The following CCDC85A variants were observed in gnomAD, a reference collection of about 807,000 sequenced individuals.
CCDC85A encodes the protein coiled-coil domain-containing protein 85A.
In CCDC85A, 38 loss-of-function variants were observed where a neutral mutation model predicts 50.2. The observed-to-expected ratio is 0.76, with a 90% CI of 0.58 to 0.99. The LOEUF (loss-of-function observed/expected upper bound fraction) is 0.99, where lower values mean the gene tolerates loss of function less well. Among genes scored for constraint, CCDC85A ranks in the 50% least tolerant of loss-of-function variants. The pLI is 0.00. For missense variants in CCDC85A, 820 were observed against 742.0 expected (o/e 1.11, Z -1.22); for synonymous variants, 366 against 301.4 (o/e 1.21, Z -2.22).
chr2:56,262,150 G>A lies in CCDC85A; in HGVS notation c.1240+68710G>A, dbSNP rs146594674. Among the ~76,000 whole-genome samples the A allele has an allele frequency of 3.9e-5, 6 of 152,236 alleles. No homozygotes were observed. The East Asian group carries it at 1.2e-3, about 29-fold the overall frequency. On this transcript the variant is annotated intron_variant, in intron 2 of 5. Coordinates refer to ENST00000407595, the MANE Select transcript of CCDC85A (RefSeq NM_001080433.2). ...TTGAGGAAATTTGAGAGGTCAGTGG[G>A]AAGATTCAGTCTCCTGTGGCTGTGC...
intron 2 of CCDC85A, among the ~76,000 whole-genome samples, chr2:56,209,980 G>A (rs1057062573): frequency 1.6e-4 from 24 of 152,020 alleles, no homozygotes; most frequent in Non-Finnish European, 3.2e-4. Context: ...ACCCATTAGA[G>A]ATACAGAACT....
At chr2:56,253,344 C>G (rs1390304636) in intron 2 of CCDC85A, among the ~76,000 whole-genome samples, 3 of 152,104 alleles carry the variant, frequency 2.0e-5, no homozygotes, top group African/African-American at 7.2e-5. Context: ...ATGAGTAGGA[C>G]AGGAGCTAGG....
chr2:56,203,594 A>G (rs752380698), intron 2 of CCDC85A, among the ~76,000 whole-genome samples: 3 of 152,160 alleles, frequency 2.0e-5, no homozygotes, highest in Non-Finnish European at 4.4e-5. Flanking sequence ...TACAAAAGAC[A>G]TTGATTTGAA....
At chr2:56,329,608 C>G (rs149689518) in intron 2 of CCDC85A, among the ~76,000 whole-genome samples, 5 of 152,022 alleles carry the variant, frequency 3.3e-5, no homozygotes, top group African/African-American at 1.2e-4. Context: ...GTGAGAATGT[C>G]GCTTTTCTTA....
In CCDC85A at chr2:56,243,707, A is replaced by G. The variant is rs77951935; in HGVS notation, c.1240+50267A>G. On this transcript the variant is annotated intron_variant, in intron 2 of 5. Transcript: ENST00000407595. ...ATCTTGATGTTTGTAGATGTTCGAC[A>G]TCTGGGCATTGAAGAGAAGATATTT... 8.2e-3 allele frequency among the ~76,000 whole-genome samples: 1,254 copies of G among 152,274 alleles called. 20 individuals are homozygous for G. The highest frequency in any genetic ancestry group is 0.029 in the African/African-American group (1,197 of 41,546).
At chr2:56,221,624 A>G (rs138357654) in intron 2 of CCDC85A, among the ~76,000 whole-genome samples, 1 of 152,262 alleles carries the variant, frequency 6.6e-6, no homozygotes, top group East Asian at 1.9e-4. Flanking sequence ...TGAAAAGTAA[A>G]TCAAATGCTA....
At chr2:56,197,968 G>T (rs1275091060) in intron 2 of CCDC85A, among the ~76,000 whole-genome samples, 1 of 152,182 alleles carries the variant, frequency 6.6e-6, no homozygotes, top group Admixed American at 6.5e-5. Flanking sequence ...GGTGACGCCT[G>T]CACTGCCGGC....
At chr2:56,314,696 A>G (rs2104238050) in intron 2 of CCDC85A, among the ~76,000 whole-genome samples, 1 of 152,170 alleles carries the variant, frequency 6.6e-6, no homozygotes, top group East Asian at 1.9e-4. Flanking sequence ...AAAAGACTGG[A>G]CTCACTGATT....
At chr2:56,346,481 C>A (rs540325275) in intron 3 of CCDC85A, among the ~76,000 whole-genome samples, 31 of 152,164 alleles carry the variant, frequency 2.0e-4, no homozygotes, top group South Asian at 4.1e-4. Context: ...ACAGGAAGTG[C>A]TGATGGAGCC....
chr2:56,276,100 A>T (rs1670925615), intron 2 of CCDC85A, among the ~76,000 whole-genome samples: 1 of 152,174 alleles, frequency 6.6e-6, no homozygotes, highest in African/African-American at 2.4e-5. Flanking sequence ...CATCACATGA[A>T]ATAGATTTGG....
In CCDC85A at chr2:56,354,591, G is replaced by A. The variant is rs182182176; in HGVS notation, c.1317+11636G>A. Among the ~76,000 whole-genome samples the A allele has an allele frequency of 5.9e-5, 9 of 152,296 alleles. 1 individual carries two copies. In the East Asian group the frequency reaches 1.7e-3, roughly 29 times the overall value. ...AGGAGGCACACAGTGAGATGGTAAT[G>A]AGTGTAGCTTTTACTGTTTAGAAGA... is the stretch of plus-strand genomic sequence containing the variant. On this transcript the variant is annotated intron_variant, in intron 3 of 5. Transcript: ENST00000407595.
chr2:56,347,952 T>C (rs1282622440), intron 3 of CCDC85A, among the ~76,000 whole-genome samples: 1 of 152,210 alleles, frequency 6.6e-6, no homozygotes, highest in Non-Finnish European at 1.5e-5. Context: ...ATGGATGATA[T>C]AGAATACCTA....
intron 2 of CCDC85A, among the ~76,000 whole-genome samples, chr2:56,247,038 A>G (rs1669541600): frequency 6.6e-6 from 1 of 152,182 alleles, no homozygotes; most frequent in Non-Finnish European, 1.5e-5. Context: ...ACTCAATGAT[A>G]TTTTTATTAT....
intron 2 of CCDC85A, among the ~76,000 whole-genome samples, chr2:56,341,943 A>G (rs1035635856): frequency 2.0e-5 from 3 of 151,660 alleles, no homozygotes; most frequent in Non-Finnish European, 2.9e-5. Flanking sequence ...TTTTATTGGG[A>G]GAAATAAAGA....
At chr2:56,377,283 T>G (rs936305028) in intron 5 of CCDC85A, among the ~76,000 whole-genome samples, 1 of 152,204 alleles carries the variant, frequency 6.6e-6, no homozygotes, top group Non-Finnish European at 1.5e-5. Flanking sequence ...TTGAATATCT[T>G]GTTCTCTGTG....
chr2:56,309,748 G>T (rs1672606843), intron 2 of CCDC85A, among the ~76,000 whole-genome samples: 1 of 152,088 alleles, frequency 6.6e-6, no homozygotes, highest in Non-Finnish European at 1.5e-5. Context: ...TTTGACTATT[G>T]TGCTGAGGAC....
rs188526028 is a variant in CCDC85A, at chr2:56,337,909, C to G, written c.1241-4970C>G. Among the ~76,000 whole-genome samples, 573 of 151,960 alleles carry G rather than the reference C, an allele frequency of 3.8e-3. 6 individuals are homozygous for G. Among genetic ancestry groups the G allele is most frequent in the Non-Finnish European group, 1.7e-3 (118 of 67,960 alleles). ...AAGCGATTCTCCTGCCTCAGCCTCC[C>G]GAGTAGCTGGGATTACAGGCAGCTG... On this transcript the variant is annotated intron_variant, in intron 2 of 5. Coordinates refer to ENST00000407595, the MANE Select transcript of CCDC85A (RefSeq NM_001080433.2).
chr2:56,266,868 G>A (rs1050903308), intron 2 of CCDC85A, among the ~76,000 whole-genome samples: 2 of 152,014 alleles, frequency 1.3e-5, no homozygotes, highest in Non-Finnish European at 2.9e-5. Context: ...TTTAAAATAC[G>A]TTAGCAGTAA....
At chr2:56,216,545 G>A (rs1677401147) in intron 2 of CCDC85A, among the ~76,000 whole-genome samples, 1 of 151,476 alleles carries the variant, frequency 6.6e-6, no homozygotes, top group Non-Finnish European at 1.5e-5. Context: ...CTAAAATACC[G>A]ATTATCTATG....
Sources: allele counts gnomAD v4.1 joint callset (sites outside exome capture counted in the v4.1 genomes callset), GRCh38; gene constraint gnomAD v4.1.1; transcripts MANE v1.5; gene names NCBI Gene and HGNC (gene_info 2026-07-23, HGNC 2026-07-21).